NBEA: variants seen among roughly 807,000 people sequenced by gnomAD.
The protein encoded by NBEA is neurobeachin.
In NBEA, 44 loss-of-function variants were observed where a neutral mutation model predicts 343.4. The ratio of observed to expected loss-of-function variants is 0.13; its 90% CI spans 0.10 to 0.16. NBEA has a LOEUF of 0.16. Ranked by LOEUF, NBEA falls within the 10% of genes least tolerant of loss-of-function variation. The pLI, the probability that NBEA is intolerant of heterozygous loss-of-function variation, is 1.00. For synonymous variants in NBEA, 1,175 were observed against 1,238.7 expected, an observed-to-expected ratio of 0.95 and a Z score of 1.08; for missense variants, 2,555 against 3,631.3, an observed-to-expected ratio of 0.70 and a Z score of 7.62.
At chr13:35,247,588 G>C (rs2031393996) in intron 34 of NBEA, among the ~76,000 whole-genome samples, 1 of 152,126 alleles carries the variant, frequency 6.6e-6, no homozygotes, top group Non-Finnish European at 1.5e-5. Context: ...AGGGGCAGAT[G>C]ATCCCCTTTT....
At chr13:34,952,927 A>G (rs1470264504) in intron 1 of NBEA, among the ~76,000 whole-genome samples, 1 of 152,178 alleles carries the variant, frequency 6.6e-6, no homozygotes, top group Non-Finnish European at 1.5e-5. Context: ...CTTTGAAATA[A>G]TAACTAATCT....
intron 41 of NBEA, among the ~76,000 whole-genome samples, chr13:35,513,147 T>A (rs2152987782): frequency 6.6e-6 from 1 of 151,290 alleles, no homozygotes; most frequent in South Asian, 2.1e-4. Flanking sequence ...TTTCTTTTTT[T>A]TTTTTTTAAG....
At chr13:35,529,966 A>T (rs1402068412) in intron 41 of NBEA, among the ~76,000 whole-genome samples, 1 of 152,222 alleles carries the variant, frequency 6.6e-6, no homozygotes, top group African/African-American at 2.4e-5. Flanking sequence ...TTCAAATATC[A>T]ATAAGCTGAA....
chr13:35,668,562 T>C (rs775403133), intron 58 of NBEA, 43 bp downstream of exon 58: 1 of 1,506,128 alleles, frequency 6.6e-7, no homozygotes, highest in Non-Finnish European at 8.9e-7. Flanking sequence ...AGAACTGTCA[T>C]TGAAGGCTCT....
chr13:35,244,936 C>T (rs936549586), intron 34 of NBEA, among the ~76,000 whole-genome samples: 5 of 151,966 alleles, frequency 3.3e-5, no homozygotes, highest in African/African-American at 7.2e-5. Flanking sequence ...GCTACTGATT[C>T]GTCTACATTA....
chr13:35,583,665 G>C (rs1464086567), intron 45 of NBEA, among the ~76,000 whole-genome samples: 1 of 152,026 alleles, frequency 6.6e-6, no homozygotes, highest in African/African-American at 2.4e-5. Flanking sequence ...ACAAAAACTT[G>C]GTAAAGTCTA....
chr13:35,345,792 A>G (rs935014566), intron 36 of NBEA, among the ~76,000 whole-genome samples: 6 of 152,102 alleles, frequency 3.9e-5, no homozygotes, highest in Non-Finnish European at 8.8e-5. Flanking sequence ...ATAGGAGATC[A>G]TGATCTGAGA....
intron 38 of NBEA, among the ~76,000 whole-genome samples, chr13:35,402,235 G>C (rs1433171482): frequency 6.6e-6 from 1 of 151,842 alleles, no homozygotes; most frequent in Non-Finnish European, 1.5e-5. Context: ...CTGTTATGCT[G>C]ATCTTTAGAA....
intron 18 of NBEA, among the ~76,000 whole-genome samples, chr13:35,147,178 A>G (rs2068486034): frequency 6.6e-6 from 1 of 152,162 alleles, no homozygotes; most frequent in African/African-American, 2.4e-5. Context: ...AGTTAGGGTC[A>G]TTGTTAGGCA....
chr13:35,387,303 G>T (rs531618601), intron 38 of NBEA, among the ~76,000 whole-genome samples: 48 of 152,186 alleles, frequency 3.2e-4, no homozygotes, highest in Non-Finnish European at 4.9e-4. Flanking sequence ...TCAACTGGAA[G>T]GTTAAGACAC....
At chr13:35,294,379 A>G (rs947635578) in intron 35 of NBEA, among the ~76,000 whole-genome samples, 1 of 152,206 alleles carries the variant, frequency 6.6e-6, no homozygotes, top group African/African-American at 2.4e-5. Flanking sequence ...ACAAAGACAT[A>G]GGTAAGAGAA....
chr13:35,239,566 C>T (rs1397345502), intron 34 of NBEA, among the ~76,000 whole-genome samples: 2 of 151,974 alleles, frequency 1.3e-5, no homozygotes, highest in African/African-American at 2.4e-5. Flanking sequence ...TGAAGAAAGG[C>T]GATCCAGATA....
chr13:35,284,538 G>A (rs1392280253), intron 34 of NBEA, among the ~76,000 whole-genome samples: 1 of 151,998 alleles, frequency 6.6e-6, no homozygotes, highest in Non-Finnish European at 1.5e-5. Flanking sequence ...GAACACATAG[G>A]CAAACCTTAA....
Position 35,452,122 on chromosome 13 carries a change from A to T in NBEA, c.6335A>T (p.Lys2112Ile), listed in dbSNP as rs367889071. 3 of 1,612,656 alleles carry T rather than the reference A, an allele frequency of 1.9e-6. No individual in the cohort carries two copies. The highest frequency in any genetic ancestry group is 2.5e-6 in the Non-Finnish European group (3 of 1,179,302). The change falls in exon 40 of 59, where the codon AAA becomes ATA. Residue 2112 changes from lysine to isoleucine, a missense_variant. Coordinates refer to ENST00000379939, the MANE Select transcript of NBEA (RefSeq NM_001385012.1). Reference sequence around the variant, plus strand: ...GAAGAAGATGTAGTAAAGTCAAAGAAAACATTCAGAAGTCAAGCAATAGTG... The same window carrying T: ...GAAGAAGATGTAGTAAAGTCAAAGATAACATTCAGAAGTCAAGCAATAGTG... ...GTEEDVVKSK[K>I]TFRSQAIVNQ...
intron 1 of NBEA, among the ~76,000 whole-genome samples, chr13:34,945,061 T>C (rs2059147804): frequency 6.6e-6 from 1 of 152,148 alleles, no homozygotes. Context: ...AGTTTCAGTA[T>C]GCAGACGTTA....
intron 34 of NBEA, among the ~76,000 whole-genome samples, chr13:35,249,323 G>A (rs1368634280): frequency 6.6e-6 from 1 of 152,062 alleles, no homozygotes; most frequent in Admixed American, 6.6e-5. Context: ...AGAGTGAAAG[G>A]CAAAGGCAAC....
chr13:35,012,325 A>T (rs2061514841), intron 1 of NBEA, among the ~76,000 whole-genome samples: 1 of 152,152 alleles, frequency 6.6e-6, no homozygotes, highest in African/African-American at 2.4e-5. Flanking sequence ...CATTCTTCTG[A>T]TAAGGAGCCC....
intron 48 of NBEA, among the ~76,000 whole-genome samples, chr13:35,623,067 G>T (rs1031559627): frequency 1.3e-5 from 2 of 152,050 alleles, no homozygotes; most frequent in African/African-American, 4.8e-5. Flanking sequence ...TCTGGATTGG[G>T]AATTGGTTTA....
intron 41 of NBEA, among the ~76,000 whole-genome samples, chr13:35,539,352 A>T (rs1218313066): frequency 1.3e-5 from 2 of 152,206 alleles, no homozygotes; most frequent in Non-Finnish European, 1.5e-5. Flanking sequence ...TATCATTTGC[A>T]GGGGCACAAA....
Sources: allele counts gnomAD v4.1 joint callset (sites outside exome capture counted in the v4.1 genomes callset), GRCh38; gene constraint gnomAD v4.1.1; transcripts MANE v1.5; gene names NCBI Gene and HGNC (gene_info 2026-07-23, HGNC 2026-07-21).